Variants in CCDC77 observed in about 807,000 individuals in gnomAD.
CCDC77 encodes coiled-coil domain containing 77.
A neutral mutation model predicts 66.8 loss-of-function variants in CCDC77; 56 were observed. The ratio of observed to expected loss-of-function variants is 0.84; its 90% CI spans 0.68 to 1.05. The LOEUF (loss-of-function observed/expected upper bound fraction) is 1.05, where lower values mean the gene tolerates loss of function less well. CCDC77 is among the 50% of genes least tolerant of loss of function. The pLI, the probability that CCDC77 is intolerant of heterozygous loss-of-function variation, is 0.00. For synonymous variants in CCDC77, 196 were observed against 195.2 expected (o/e 1.00, Z -0.03); for missense variants, 570 against 576.8 (o/e 0.99, Z 0.12).
At chr12:394,227 T>C (rs372948726) in intron 1 of CCDC77, among the ~76,000 whole-genome samples, 79 of 152,378 alleles carry the variant, frequency 5.2e-4, no homozygotes, top group African/African-American at 1.9e-3. Context: ...AAGTGGCTAG[T>C]TGAGCTGGTA....
At chr12:435,711 A>T (rs1945737426) in intron 9 of CCDC77, among the ~76,000 whole-genome samples, 1 of 152,200 alleles carries the variant, frequency 6.6e-6, no homozygotes, top group African/African-American at 2.4e-5. Flanking sequence ...GTTAGCACTC[A>T]GGAAAATATC....
intron 6 of CCDC77, 42 bp downstream of exon 6, chr12:428,907 A>G: frequency 7.7e-7 from 1 of 1,303,080 alleles, no homozygotes; most frequent in Non-Finnish European, 1.1e-6. Flanking sequence ...TGGCTTTACA[A>G]GTCACAGGCT....
rs1410971364 is a variant in CCDC77 at position 413,651 on chromosome 12, G to A, written c.270+1673G>A. ...ATTTTTTTTTTTTTTTTTTTGAGACGGAGTCTCGCTCTGTCGCCCAGGCTG... is the reference window on the plus strand; with the variant it reads ...ATTTTTTTTTTTTTTTTTTTGAGACAGAGTCTCGCTCTGTCGCCCAGGCTG... On this transcript the variant is annotated intron_variant, in intron 4 of 12. Transcript: ENST00000239830. 6.7e-5 allele frequency among the ~76,000 whole-genome samples: 8 copies of A among 119,796 alleles called. No individual in the cohort carries two copies. The South Asian group carries it at 2.1e-3, about 32-fold the overall frequency. The allele number at this position is 119,796 out of a possible 152,430, so 78.6% of individuals were successfully genotyped here.
At chr12:414,782 A>G (rs1470063173) in intron 4 of CCDC77, among the ~76,000 whole-genome samples, 1 of 151,282 alleles carries the variant, frequency 6.6e-6, no homozygotes, top group Admixed American at 6.6e-5. Context: ...CTGCTTCCTA[A>G]ATATTACTTA....
intron 7 of CCDC77, among the ~76,000 whole-genome samples, chr12:431,393 T>C (rs569969153): frequency 1.7e-4 from 26 of 152,110 alleles, no homozygotes; most frequent in African/African-American, 6.3e-4. Context: ...TAATTTATTG[T>C]ATTGTATTTT....
At chr12:415,298 TCAACA>T (rs778012044) in intron 4 of CCDC77, among the ~76,000 whole-genome samples, 9,150 of 136,748 alleles carry the variant, frequency 0.067, 995 homozygotes, top group Non-Finnish European at 0.085. Context: ...GTTAATATAA[TCAACA>T]TAATATTATG....
chr12:428,839 TA>T lies in CCDC77; in HGVS notation c.485del (p.Tyr162PhefsTer20), dbSNP rs1420862890. 1 of 1,612,292 alleles carries T rather than the reference TA, an allele frequency of 6.2e-7. No individual in the cohort carries two copies. On this transcript the variant is annotated frameshift_variant, in exon 6 of 13. Transcript: ENST00000239830. LOFTEE classifies it high-confidence loss of function. Reference protein sequence around the residue: ...LVGTDAGEVTYFCKEPPHKVT... With the variant: ...LVGTDAGEVTXFCKEPPHKVT... ...GGGAACAGATGCTGGAGAAGTGACC[TA>T]TTTTTGTAAGGAGCCTCCTCACAAA...
At chr12:437,618 G>T (rs1239411244) in intron 9 of CCDC77, among the ~76,000 whole-genome samples, 1 of 152,062 alleles carries the variant, frequency 6.6e-6, no homozygotes, top group Admixed American at 6.6e-5. Context: ...GGCGAGAGGA[G>T]TGTATGAGCC....
At chr12:429,912 C>A (rs1415411167) in intron 6 of CCDC77, among the ~76,000 whole-genome samples, 1 of 152,190 alleles carries the variant, frequency 6.6e-6, no homozygotes, top group African/African-American at 2.4e-5. Flanking sequence ...AGGGGTGCAC[C>A]ACTGTGCCCC....
At chr12:436,446 G>A (rs945972689) in intron 9 of CCDC77, among the ~76,000 whole-genome samples, 1 of 151,776 alleles carries the variant, frequency 6.6e-6, no homozygotes, top group Admixed American at 6.6e-5. Flanking sequence ...AGCTGGTCTC[G>A]ATCCTGACCT....
At position 442,006 on chromosome 12, in the gene CCDC77, A is replaced by C; in HGVS notation, c.*86A>C. ...AGGTCATCTGCTGCCAGAAAATGTA[A>C]ACCTGAGTTGACTAGAGTGGTGGTA... On this transcript the variant is annotated 3_prime_UTR_variant, in exon 13 of 13. Transcript: ENST00000239830. The C allele has an allele frequency of 7.0e-7, 1 of 1,431,106 alleles. No individual in the cohort carries two copies. The highest frequency in any genetic ancestry group is 9.7e-7 in the Non-Finnish European group (1 of 1,027,000). 88.7% of individuals were successfully genotyped at this position (1,431,106 alleles called of 1,614,324 possible). A position where few individuals can be genotyped will look rare whatever the true frequency, so the allele number is the denominator to read the frequency against.
At chr12:403,100 A>G (rs1420203961) in intron 1 of CCDC77, among the ~76,000 whole-genome samples, 3 of 152,216 alleles carry the variant, frequency 2.0e-5, no homozygotes, top group African/African-American at 7.2e-5. Context: ...CAAGAGGTTG[A>G]AAGAGATGTC....
intron 2 of CCDC77, among the ~76,000 whole-genome samples, chr12:407,468 G>T (rs929230143): frequency 6.6e-6 from 1 of 152,150 alleles, no homozygotes; most frequent in Non-Finnish European, 1.5e-5. Flanking sequence ...TGGAGAGACG[G>T]GGTAGGCAGT....
chr12:407,989 G>GT (rs772547817), intron 2 of CCDC77, among the ~76,000 whole-genome samples: 8 of 151,856 alleles, frequency 5.3e-5, no homozygotes, highest in Non-Finnish European at 1.0e-4. Context: ...GGGTTTCACC[G>GT]TGTTAGCCAG....
chr12:414,655 C>T (rs1945187424), intron 4 of CCDC77, among the ~76,000 whole-genome samples: 3 of 152,180 alleles, frequency 2.0e-5, no homozygotes, highest in African/African-American at 2.4e-5. Context: ...ACCATTTCGC[C>T]TTCCTCCGTT....
intron 4 of CCDC77, among the ~76,000 whole-genome samples, chr12:414,702 G>A (rs576896797): frequency 5.9e-5 from 9 of 152,018 alleles, no homozygotes; most frequent in African/African-American, 1.7e-4. Flanking sequence ...CTTTGTCTTG[G>A]CAAATGGCAT....
chr12:405,864 A>G (rs2137537412), intron 2 of CCDC77, among the ~76,000 whole-genome samples: 1 of 151,912 alleles, frequency 6.6e-6, no homozygotes, highest in East Asian at 1.9e-4. Context: ...GAGTTTGCAT[A>G]TTCCAGTGTG....
intron 1 of CCDC77, among the ~76,000 whole-genome samples, chr12:403,078 G>C (rs1446962266): frequency 6.6e-6 from 1 of 152,200 alleles, no homozygotes; most frequent in African/African-American, 2.4e-5. Flanking sequence ...CTACATTTTT[G>C]TTAATTCAAA....
At chr12:415,325 AACAT>A in intron 4 of CCDC77, among the ~76,000 whole-genome samples, 1 of 105,262 alleles carries the variant, frequency 9.5e-6, no homozygotes, top group Non-Finnish European at 1.8e-5. Flanking sequence ...TAATATAATC[AACAT>A]AATATTATGT....
Sources: allele counts gnomAD v4.1 joint callset (sites outside exome capture counted in the v4.1 genomes callset), GRCh38; gene constraint gnomAD v4.1.1; transcripts MANE v1.5; gene names NCBI Gene and HGNC (gene_info 2026-07-23, HGNC 2026-07-21).